The following PDSS2 variants were observed in gnomAD, a reference collection of about 807,000 sequenced individuals.
PDSS2 encodes the protein all trans-polyprenyl-diphosphate synthase PDSS2.
PDSS2 carries 31 observed loss-of-function variants against 44.5 expected under a neutral mutation model. The ratio of observed to expected loss-of-function variants is 0.70; its 90% confidence interval spans 0.52 to 0.94. The LOEUF is 0.94. PDSS2 is among the 40% of genes least tolerant of loss of function. The pLI, the probability that PDSS2 is intolerant of heterozygous loss-of-function variation, is 0.00. For missense variants in PDSS2, 452 were observed against 482.2 expected (o/e 0.94, Z 0.59); for synonymous variants, 157 against 180.3 (o/e 0.87, Z 1.03).
intron 7 of PDSS2, among the ~76,000 whole-genome samples, chr6:107,162,563 T>C (rs1401315432): frequency 6.6e-6 from 1 of 151,004 alleles, no homozygotes; most frequent in African/African-American, 2.4e-5. Flanking sequence ...AGTTTCCAAT[T>C]TTTAAAAATT....
chr6:107,394,309 G>A (rs1779874018), intron 1 of PDSS2, among the ~76,000 whole-genome samples: 1 of 152,144 alleles, frequency 6.6e-6, no homozygotes, highest in Non-Finnish European at 1.5e-5. Context: ...TGGTTTAACT[G>A]GCTTACGGTT....
chr6:107,420,825 GAA>G (rs112230353), intron 1 of PDSS2, among the ~76,000 whole-genome samples: 1 of 126,062 alleles, frequency 7.9e-6, no homozygotes, highest in African/African-American at 2.9e-5. Flanking sequence ...ATCTATAAAA[GAA>G]AAAAAAAAAA....
rs1379300474 is a variant in PDSS2 at position 107,237,027 on chromosome 6, G to A, written c.702+8521C>T. On this transcript the variant is annotated intron_variant, in intron 4 of 7. Transcript: ENST00000369037. ...ATACTCACTGCAGCCTCAACCTCCT[G>A]GGCTTAAGCAATCCTTCTGCCTTAC... Among the ~76,000 whole-genome samples the A allele has an allele frequency of 2.0e-5, 3 of 151,220 alleles. No individual in the cohort carries two copies. In the East Asian group the frequency reaches 5.8e-4, roughly 29 times the overall value.
At chr6:107,445,971 GCTCT>G (rs1304449725) in intron 1 of PDSS2, among the ~76,000 whole-genome samples, 2 of 152,026 alleles carry the variant, frequency 1.3e-5, no homozygotes, top group East Asian at 1.9e-4. Flanking sequence ...TCTCGTGCAT[GCTCT>G]CTCTCTTTCT....
chr6:107,379,033 G>A (rs1374944499), intron 1 of PDSS2, among the ~76,000 whole-genome samples: 1 of 152,194 alleles, frequency 6.6e-6, no homozygotes, highest in Non-Finnish European at 1.5e-5. Context: ...TTGGAAGGAA[G>A]TCACTATGCT....
intron 1 of PDSS2, among the ~76,000 whole-genome samples, chr6:107,444,896 T>C (rs1295263310): frequency 2.0e-5 from 3 of 152,150 alleles, no homozygotes; most frequent in African/African-American, 7.2e-5. Context: ...ATCCTATCCA[T>C]TTAAATCTGA....
intron 6 of PDSS2, among the ~76,000 whole-genome samples, chr6:107,204,008 T>C (rs1484989346): frequency 6.6e-6 from 1 of 151,908 alleles, no homozygotes; most frequent in South Asian, 2.1e-4. Flanking sequence ...AGTAGCATGA[T>C]CGAGGCTCAC....
chr6:107,254,989 G>C (rs1286073859), intron 3 of PDSS2, among the ~76,000 whole-genome samples: 2 of 146,692 alleles, frequency 1.4e-5, no homozygotes, highest in Non-Finnish European at 1.5e-5. Context: ...TCAGCCTCCC[G>C]AGTAGCTGGG....
At chr6:107,206,281 AG>A (rs1276196750) in intron 6 of PDSS2, among the ~76,000 whole-genome samples, 1 of 152,208 alleles carries the variant, frequency 6.6e-6, no homozygotes, top group African/African-American at 2.4e-5. Context: ...CATGTTGGAC[AG>A]GCTGGTCTGG....
At chr6:107,210,931 G>GGTTGC (rs1773179348) in intron 5 of PDSS2, among the ~76,000 whole-genome samples, 1 of 151,534 alleles carries the variant, frequency 6.6e-6, no homozygotes, top group Admixed American at 6.6e-5. Context: ...GGGAGACAGA[G>GGTTGC]GTTGCAGTGA....
Position 107,310,139 on chromosome 6 carries a change from G to A in PDSS2, c.431+24059C>T, listed in dbSNP as rs538423144. The stretch of plus-strand genomic sequence containing the variant: ...TCTCTACTGAAAATACAAAAAATTA[G>A]CTGGGTGTGGTGGCAGGCGCCTGTA... On this transcript the variant is annotated intron_variant, in intron 2 of 7. Coordinates refer to ENST00000369037, the MANE Select transcript of PDSS2 (RefSeq NM_020381.4). Among the ~76,000 whole-genome samples, 4 of 152,144 alleles carry A rather than the reference G, an allele frequency of 2.6e-5. No individual in the cohort carries two copies. In the East Asian group the frequency reaches 7.7e-4, roughly 29 times the overall value.
rs1359620539 is a variant in PDSS2, at chr6:107,349,273, A to C, written c.297-14941T>G. Among the ~76,000 whole-genome samples, 4 of 152,002 alleles carry C rather than the reference A, an allele frequency of 2.6e-5. No individual in the cohort carries two copies. The South Asian group carries it at 6.2e-4, about 24-fold the overall frequency. ...CGGTGAAACCCCGTCTCTACTAAAAATACAAAAAAATTAGCTGGGCGTGGT... is the reference window on the plus strand; with the variant it reads ...CGGTGAAACCCCGTCTCTACTAAAACTACAAAAAAATTAGCTGGGCGTGGT... On this transcript the variant is annotated intron_variant, in intron 1 of 7. Transcript: ENST00000369037.
intron 1 of PDSS2, among the ~76,000 whole-genome samples, chr6:107,337,297 C>T (rs1761480771): frequency 6.6e-6 from 1 of 152,066 alleles, no homozygotes; most frequent in African/African-American, 2.4e-5. Flanking sequence ...GTGGCAGAAC[C>T]ATGACAGAGC....
At chr6:107,161,120 C>T (rs569754379) in intron 7 of PDSS2, among the ~76,000 whole-genome samples, 35 of 151,298 alleles carry the variant, frequency 2.3e-4, no homozygotes, top group African/African-American at 8.5e-4. Context: ...AGTGATCCAC[C>T]CACCTCGGCC....
rs145839981 is a variant in PDSS2, at chr6:107,379,658, A to G, written c.297-45326T>C. 3.9e-3 allele frequency among the ~76,000 whole-genome samples: 597 copies of G among 152,250 alleles called. 4 individuals carry two copies. The highest frequency in any genetic ancestry group is 0.01 in the African/African-American group (421 of 41,564). On this transcript the variant is annotated intron_variant, in intron 1 of 7. Coordinates refer to ENST00000369037, the MANE Select transcript of PDSS2 (RefSeq NM_020381.4). ...GTGTGTTCTTCCTCATGTTTAATGC[A>G]TCTTTAGTTCTACTTTGGTATCAGA...
intron 4 of PDSS2, among the ~76,000 whole-genome samples, chr6:107,238,810 T>C (rs1774318341): frequency 6.6e-6 from 1 of 152,226 alleles, no homozygotes; most frequent in African/African-American, 2.4e-5. Flanking sequence ...ATCAACCTTA[T>C]AAGCAGGTTT....
At position 107,178,596 on chromosome 6, in the gene PDSS2, A is replaced by C. The variant is rs185806368; in HGVS notation, c.1041+15226T>G. 1.1e-4 allele frequency among the ~76,000 whole-genome samples: 17 copies of C among 152,356 alleles called. No individual in the cohort carries two copies. The East Asian group carries it at 3.3e-3, about 29-fold the overall frequency. On this transcript the variant is annotated intron_variant, in intron 7 of 7. Coordinates refer to ENST00000369037, the MANE Select transcript of PDSS2 (RefSeq NM_020381.4). The stretch of plus-strand genomic sequence containing the variant: ...CATTTATTAGACAATCACATTTCTG[A>C]GACCAGAATTATGTTAGATTATAGA...
chr6:107,420,623 G>T (rs1256013697), intron 1 of PDSS2, among the ~76,000 whole-genome samples: 1 of 151,714 alleles, frequency 6.6e-6, no homozygotes, highest in African/African-American at 2.4e-5. Flanking sequence ...GACATCCATG[G>T]GCAAAAATAA....
intron 2 of PDSS2, among the ~76,000 whole-genome samples, chr6:107,301,253 C>T (rs762306991): frequency 3.3e-5 from 5 of 151,954 alleles, no homozygotes; most frequent in Non-Finnish European, 5.9e-5. Context: ...TTTTGTGGAC[C>T]TAAACAAAAA....
Sources: allele counts gnomAD v4.1 joint callset (sites outside exome capture counted in the v4.1 genomes callset), GRCh38; gene constraint gnomAD v4.1.1; transcripts MANE v1.5; gene names NCBI Gene and HGNC (gene_info 2026-07-23, HGNC 2026-07-21).